The following SPAG16 variants were observed in gnomAD, a reference collection of about 807,000 sequenced individuals.
SPAG16 encodes sperm associated antigen 16, also known as sperm-associated antigen 16 protein.
In SPAG16, 86 loss-of-function variants were observed where a neutral mutation model predicts 80.4. The ratio of observed to expected loss-of-function variants is 1.07; its 90% CI spans 0.90 to 1.28. The LOEUF is 1.28. SPAG16 is among the 50% of genes most tolerant of loss of function. The probability of loss-of-function intolerance (pLI) is 0.00; values close to 1 mark genes in which losing one functional copy is unlikely to be tolerated. For missense variants in SPAG16, 870 were observed against 765.3 expected, an observed-to-expected ratio of 1.14 and a Z score of -1.61; for synonymous variants, 294 against 265.9, an observed-to-expected ratio of 1.11 and a Z score of -1.03.
In SPAG16 at chr2:213,938,862, A is replaced by AG. The variant is rs1553673937; in HGVS notation, c.1400+8719dup. ...CATTTCTATTTAGATAATAAAGATG[A>AG]GGTTTTTTTTTCTCTTAAAGGACTA... On this transcript the variant is annotated intron_variant, in intron 12 of 15. Transcript: ENST00000331683. Among the ~76,000 whole-genome samples, 28 of 141,846 alleles carry AG rather than the reference A, an allele frequency of 2.0e-4. 1 individual carries two copies. In the East Asian group the frequency reaches 6.4e-3, roughly 32 times the overall value. The allele number at this position is 141,846 out of a possible 152,430, so 93.1% of individuals were successfully genotyped here.
chr2:214,265,150 A>G (rs1368810598), intron 15 of SPAG16, among the ~76,000 whole-genome samples: 6 of 152,144 alleles, frequency 3.9e-5, no homozygotes, highest in African/African-American at 7.2e-5. Context: ...ATATGGTAAC[A>G]GTATGTTAAG....
chr2:213,786,132 T>A (rs959545413), intron 10 of SPAG16, among the ~76,000 whole-genome samples: 1 of 152,236 alleles, frequency 6.6e-6, no homozygotes, highest in Non-Finnish European at 1.5e-5. Flanking sequence ...ATTTACTCTA[T>A]TTCTCTGACT....
At chr2:214,323,340 T>A (rs1006043711) in intron 15 of SPAG16, among the ~76,000 whole-genome samples, 3 of 150,950 alleles carry the variant, frequency 2.0e-5, no homozygotes, top group African/African-American at 7.3e-5. Context: ...ATATATTTAT[T>A]TATTTATTTA....
intron 10 of SPAG16, among the ~76,000 whole-genome samples, chr2:213,545,168 G>A (rs889469305): frequency 1.3e-5 from 2 of 152,080 alleles, no homozygotes; most frequent in African/African-American, 2.4e-5. Flanking sequence ...ATTCTAACAT[G>A]TGTTTAATGG....
intron 9 of SPAG16, among the ~76,000 whole-genome samples, chr2:213,428,956 G>T (rs2070116255): frequency 6.6e-6 from 1 of 152,020 alleles, no homozygotes; most frequent in African/African-American, 2.4e-5. Context: ...GCTGAGCATG[G>T]TGGCAGGCTC....
At chr2:213,849,743 A>G (rs565303771) in intron 10 of SPAG16, among the ~76,000 whole-genome samples, 1 of 152,320 alleles carries the variant, frequency 6.6e-6, no homozygotes, top group East Asian at 1.9e-4. Flanking sequence ...AGTCCTTACC[A>G]TAAGGAAGTT....
intron 15 of SPAG16, among the ~76,000 whole-genome samples, chr2:214,272,137 A>G (rs933374362): frequency 1.3e-5 from 2 of 152,168 alleles, no homozygotes; most frequent in African/African-American, 4.8e-5. Context: ...TATAGCTTTT[A>G]CAATTATAAT....
At chr2:214,268,237 C>G (rs769966136) in intron 15 of SPAG16, among the ~76,000 whole-genome samples, 4 of 151,762 alleles carry the variant, frequency 2.6e-5, no homozygotes, top group Non-Finnish European at 5.9e-5. Flanking sequence ...ATTAATACAG[C>G]CATTTTGGAA....
At chr2:213,567,860 G>T (rs1423584115) in intron 10 of SPAG16, among the ~76,000 whole-genome samples, 2 of 47,152 alleles carry the variant, frequency 4.2e-5, no homozygotes, top group Admixed American at 2.8e-4. Context: ...CAGTGTAAAA[G>T]TGTTCCTATT....
chr2:213,836,407 A>AT (rs1181893039), intron 10 of SPAG16, among the ~76,000 whole-genome samples: 2 of 152,072 alleles, frequency 1.3e-5, no homozygotes, highest in Non-Finnish European at 2.9e-5. Context: ...TTCAATTAAT[A>AT]TTTTTTATCA....
At chr2:213,529,439 T>A (rs1404972515) in intron 10 of SPAG16, among the ~76,000 whole-genome samples, 1 of 152,192 alleles carries the variant, frequency 6.6e-6, no homozygotes, top group Non-Finnish European at 1.5e-5. Flanking sequence ...AACAATGGGC[T>A]CTCCTTGGCC....
chr2:213,440,814 A>C (rs575607950), intron 9 of SPAG16, among the ~76,000 whole-genome samples: 43 of 152,232 alleles, frequency 2.8e-4, no homozygotes, highest in African/African-American at 9.4e-4. Context: ...CATGAAAGGT[A>C]TATTAATATA....
In SPAG16 at chr2:213,586,712, C is replaced by T. The variant is rs527404831; in HGVS notation, c.1070+96622C>T. ...GTACAATTCATTCTGAGGCAAATTT[C>T]TCTCCACCTGTGAATCTGTGAAATC... is the stretch of plus-strand genomic sequence containing the variant. On this transcript the variant is annotated intron_variant, in intron 10 of 15. Transcript: ENST00000331683. 2.2e-3 allele frequency among the ~76,000 whole-genome samples: 341 copies of T among 152,314 alleles called. 3 individuals carry two copies. Among genetic ancestry groups the T allele is most frequent in the Non-Finnish European group, 1.9e-3 (132 of 68,032 alleles).
chr2:214,049,274 GTCTTGA>G (rs1201479512), intron 13 of SPAG16, among the ~76,000 whole-genome samples: 3 of 152,174 alleles, frequency 2.0e-5, no homozygotes, highest in Non-Finnish European at 2.9e-5. Context: ...ATTAAAGGAA[GTCTTGA>G]TCTTGATCAC....
At chr2:214,350,622 C>A (rs1320748993) in intron 15 of SPAG16, among the ~76,000 whole-genome samples, 1 of 152,138 alleles carries the variant, frequency 6.6e-6, no homozygotes, top group Non-Finnish European at 1.5e-5. Flanking sequence ...CTCTCCCATA[C>A]AGTGAAGCAA....
Position 214,040,337 on chromosome 2 carries a change from G to C in SPAG16, c.1527+26260G>C, listed in dbSNP as rs557994160. Among the ~76,000 whole-genome samples, 6 of 152,182 alleles carry C rather than the reference G, an allele frequency of 3.9e-5. No homozygotes were observed. In the East Asian group the frequency reaches 1.2e-3, roughly 29 times the overall value. ...TTTTAAGTTCAGGGGTGTAAGTGCA[G>C]GTTTGTTACATAGGTATACTTGTGT... On this transcript the variant is annotated intron_variant, in intron 13 of 15. Transcript: ENST00000331683.
At chr2:213,978,495 G>A (rs2045533343) in intron 12 of SPAG16, among the ~76,000 whole-genome samples, 1 of 151,964 alleles carries the variant, frequency 6.6e-6, no homozygotes, top group African/African-American at 2.4e-5. Context: ...ACTTCCTATT[G>A]CCTGGTTTCA....
intron 10 of SPAG16, among the ~76,000 whole-genome samples, chr2:213,548,336 G>C (rs1050846585): frequency 3.3e-5 from 5 of 151,762 alleles, no homozygotes. Flanking sequence ...CCTCAGCCTC[G>C]CGGGTAGCTG....
intron 15 of SPAG16, among the ~76,000 whole-genome samples, chr2:214,203,895 C>A (rs1032631598): frequency 2.0e-5 from 3 of 152,168 alleles, no homozygotes; most frequent in African/African-American, 7.2e-5. Context: ...AACCTGAAAG[C>A]CCTGCTTACT....
Sources: allele counts gnomAD v4.1 joint callset (sites outside exome capture counted in the v4.1 genomes callset), GRCh38; gene constraint gnomAD v4.1.1; transcripts MANE v1.5; gene names NCBI Gene and HGNC (gene_info 2026-07-23, HGNC 2026-07-21).